Variants in UBA2 observed in about 807,000 individuals in gnomAD.
UBA2 encodes ubiquitin like modifier activating enzyme 2, also known as SUMO-activating enzyme subunit 2.
A neutral mutation model predicts 77.2 loss-of-function variants in UBA2; 11 were observed. The observed-to-expected ratio is 0.14, with a 90% CI of 0.09 to 0.24. The LOEUF (loss-of-function observed/expected upper bound fraction) is 0.24. UBA2 is among the 10% of genes least tolerant of loss of function. The probability of loss-of-function intolerance (pLI) is 1.00; values close to 1 mark genes in which losing one functional copy is unlikely to be tolerated. For synonymous variants in UBA2, 278 were observed against 276.7 expected (o/e 1.00, Z -0.05); for missense variants, 487 against 781.7 (o/e 0.62, Z 4.50).
intron 1 of UBA2, chr19:34,429,312 T>G: frequency 5.3e-6 from 5 of 935,192 alleles, no homozygotes; most frequent in Non-Finnish European, 6.4e-6. Context: ...GAATCGTTAT[T>G]TCTACTAATG....
intron 14 of UBA2, among the ~76,000 whole-genome samples, chr19:34,462,590 G>A (rs574239313): frequency 5.3e-5 from 8 of 152,036 alleles, no homozygotes; most frequent in South Asian, 2.1e-4. Context: ...AGGGAAAGGC[G>A]TTCTAAGCGT....
Position 34,456,101 on chromosome 19 carries a change from TTTTTC to T in UBA2, c.1245+1550_1245+1554del, listed in dbSNP as rs1442875746. 3.3e-3 allele frequency among the ~76,000 whole-genome samples: 86 copies of T among 26,074 alleles called. 8 individuals carry two copies. In the Middle Eastern group the frequency reaches 0.036, roughly 11 times the overall value. 17.1% of individuals were successfully genotyped at this position (26,074 alleles called of 152,430 possible). On this transcript the variant is annotated intron_variant, in intron 12 of 16. Transcript: ENST00000246548. ...CCGATGCGCTCTTTTTTTCCTTTTC[TTTTTC>T]TTTTTTTTTTTTTTTTTTGAGGTGG...
rs2075601544 is a variant in UBA2, at chr19:34,458,897, A to G, written c.1374A>G (p.Lys458=). The change falls in exon 13 of 17, where the codon AAA becomes AAG. Residue 458 remains lysine, a synonymous_variant. Coordinates refer to ENST00000246548, the MANE Select transcript of UBA2 (RefSeq NM_005499.3). ...TGACTGTGCGGCTGAATGTCCATAA[A>G]GTGACTGTTCTCACCTTACAAGACA... ...PEVTVRLNVH[K]VTVLTLQDKI... is the part of the protein sequence containing the mutation. 6.2e-7 allele frequency: 1 copy of G among 1,614,090 alleles called. No homozygotes were observed. The highest frequency in any genetic ancestry group is 8.5e-7 in the Non-Finnish European group (1 of 1,180,012).
intron 5 of UBA2, among the ~76,000 whole-genome samples, chr19:34,436,259 C>T (rs961616790): frequency 2.6e-5 from 4 of 151,926 alleles, no homozygotes; most frequent in African/African-American, 7.3e-5. Context: ...GAACAAAATA[C>T]CTGTGTGCTC....
intron 13 of UBA2, among the ~76,000 whole-genome samples, chr19:34,459,360 A>G (rs1466511453): frequency 6.6e-6 from 1 of 152,198 alleles, no homozygotes; most frequent in Non-Finnish European, 1.5e-5. Context: ...ATTAAAGGGT[A>G]TAAGTAACTT....
chr19:34,443,441 CTTTTTTT>C (rs35696396), intron 6 of UBA2, among the ~76,000 whole-genome samples: 1 of 132,232 alleles, frequency 7.6e-6, no homozygotes, highest in Non-Finnish European at 1.6e-5. Context: ...CCGTTATTCA[CTTTTTTT>C]TTTTTTTTTT....
chr19:34,431,540 T>C (rs2075255651), intron 2 of UBA2, among the ~76,000 whole-genome samples: 1 of 152,194 alleles, frequency 6.6e-6, no homozygotes, highest in South Asian at 2.1e-4. Context: ...TGCAAGATGC[T>C]CAGTAAATAC....
chr19:34,441,219 G>A (rs1234162983), intron 6 of UBA2, among the ~76,000 whole-genome samples: 1 of 152,144 alleles, frequency 6.6e-6, no homozygotes, highest in African/African-American at 2.4e-5. Context: ...ACTTTGGGAG[G>A]CTGAGGCGAG....
chr19:34,433,852 G>A (rs997351506), intron 4 of UBA2, among the ~76,000 whole-genome samples: 1 of 152,120 alleles, frequency 6.6e-6, no homozygotes, highest in African/African-American at 2.4e-5. Flanking sequence ...CAGCTTCTCC[G>A]GAGGCTGAGG....
At chr19:34,446,652 C>T (rs1225345671) in intron 8 of UBA2, among the ~76,000 whole-genome samples, 2 of 151,428 alleles carry the variant, frequency 1.3e-5, no homozygotes, top group Non-Finnish European at 1.5e-5. Context: ...CTCTGTCGCC[C>T]AGGCTAGAGT....
At chr19:34,457,177 AAAATATATATATATATAT>A (rs1253358037) in intron 12 of UBA2, among the ~76,000 whole-genome samples, 4 of 68,506 alleles carry the variant, frequency 5.8e-5, no homozygotes, top group Non-Finnish European at 7.4e-5. Flanking sequence ...AAAAAAAAAA[AAAATATATATATATATAT>A]ATATATATAT....
At chr19:34,458,063 T>G (rs1158397985) in intron 12 of UBA2, among the ~76,000 whole-genome samples, 2 of 152,176 alleles carry the variant, frequency 1.3e-5, no homozygotes, top group Non-Finnish European at 2.9e-5. Flanking sequence ...AATGTGTTGG[T>G]CTTGTCAGGA....
chr19:34,438,362 A>G (rs1044960886), intron 5 of UBA2, among the ~76,000 whole-genome samples: 1 of 152,144 alleles, frequency 6.6e-6, no homozygotes, highest in African/African-American at 2.4e-5. Flanking sequence ...AGGTAAACTC[A>G]TATTTGACAC....
chr19:34,456,038 A>G (rs1379932314), intron 12 of UBA2, among the ~76,000 whole-genome samples: 2 of 150,622 alleles, frequency 1.3e-5, no homozygotes, highest in African/African-American at 4.9e-5. Flanking sequence ...TGGCCCCCCA[A>G]AGTGCTGGGA....
At chr19:34,465,637 G>A (rs984939735) in intron 15 of UBA2, among the ~76,000 whole-genome samples, 68 of 139,776 alleles carry the variant, frequency 4.9e-4, no homozygotes, top group South Asian at 4.7e-4. Context: ...CTCCATGTCA[G>A]AAAAAAAAAA....
At chr19:34,431,755 A>G (rs1444147057) in intron 2 of UBA2, 106 bp from the exon 3 acceptor site, 3 of 934,816 alleles carry the variant, frequency 3.2e-6, no homozygotes, top group Non-Finnish European at 5.1e-6. Context: ...GGTGTTTAAT[A>G]TAAATAAGGT....
chr19:34,454,419 A>G lies in UBA2; in HGVS notation c.1133-25A>G, dbSNP rs369345407. On this transcript the variant is annotated intron_variant, in intron 11 of 16. Transcript: ENST00000246548. ...AGTTGTTTTTTAAACAGTGAAACAT[A>G]CTCATCCTTTTTTTTTTTTCCCAGC... 3 of 1,561,278 alleles carry G rather than the reference A, an allele frequency of 1.9e-6. No homozygotes were observed. In the African/African-American group the frequency reaches 4.1e-5, roughly 22 times the overall value.
chr19:34,444,805 T>C (rs1474682026), intron 7 of UBA2, among the ~76,000 whole-genome samples, 195 bp from the exon 8 acceptor site: 1 of 152,174 alleles, frequency 6.6e-6, no homozygotes, highest in East Asian at 1.9e-4. Context: ...AGACTTTGTC[T>C]CCAAAAACAA....
chr19:34,466,167 C>G (rs893677832), intron 15 of UBA2, among the ~76,000 whole-genome samples: 3 of 151,990 alleles, frequency 2.0e-5, no homozygotes, highest in African/African-American at 7.3e-5. Flanking sequence ...AACCCTGTCT[C>G]TACTAAAAAT....
Sources: gnomAD v4.1 joint callset for allele counts (sites outside exome capture counted in the v4.1 genomes callset) on GRCh38, gnomAD v4.1.1 for gene constraint, MANE v1.5 for transcripts, NCBI Gene and HGNC (gene_info 2026-07-23, HGNC 2026-07-21) for gene names.